Variants in RNFT2 observed in about 807,000 individuals in gnomAD.
RNFT2 encodes the protein ring finger protein, transmembrane 2.
In RNFT2, 36 loss-of-function variants were observed where a neutral mutation model predicts 53.0. That is an observed-to-expected ratio of 0.68 (90% CI 0.52 to 0.90). The LOEUF (loss-of-function observed/expected upper bound fraction) is 0.90. RNFT2 is among the 40% of genes least tolerant of loss of function. The probability of loss-of-function intolerance (pLI) is 0.00; values close to 1 mark genes in which losing one functional copy is unlikely to be tolerated. For missense variants in RNFT2, 514 were observed against 585.6 expected, an observed-to-expected ratio of 0.88 and a Z score of 1.26; for synonymous variants, 260 against 253.2, an observed-to-expected ratio of 1.03 and a Z score of -0.26.
At chr12:116,779,414 C>T (rs867612702) in intron 7 of RNFT2, 66 bp downstream of exon 7, 1 of 1,563,326 alleles carries the variant, frequency 6.4e-7, no homozygotes, top group Non-Finnish European at 8.8e-7. Flanking sequence ...TTCAGGGTGC[C>T]TTCTGAGGAG....
intron 6 of RNFT2, among the ~76,000 whole-genome samples, chr12:116,775,691 G>C (rs1056576625): frequency 6.6e-6 from 1 of 152,168 alleles, no homozygotes; most frequent in South Asian, 2.1e-4. Flanking sequence ...TTAAAGTACT[G>C]GGTAAACAAT....
At chr12:116,768,738 T>G (rs535262061) in intron 6 of RNFT2, among the ~76,000 whole-genome samples, 2 of 132,654 alleles carry the variant, frequency 1.5e-5, no homozygotes, top group Non-Finnish European at 3.1e-5. Context: ...TTCTCTCTCT[T>G]TTTTTTTTTT....
intron 7 of RNFT2, among the ~76,000 whole-genome samples, chr12:116,819,307 G>T (rs944190692): frequency 1.3e-5 from 2 of 152,214 alleles, no homozygotes; most frequent in Non-Finnish European, 1.5e-5. Context: ...TCCTTTGTCC[G>T]CGAAGGGCTA....
intron 7 of RNFT2, among the ~76,000 whole-genome samples, chr12:116,781,928 A>C (rs532973059): frequency 6.6e-6 from 1 of 151,640 alleles, no homozygotes; most frequent in Non-Finnish European, 1.5e-5. Context: ...AATACAAAAA[A>C]ATTAGCTGGG....
chr12:116,852,939 C>T lies in RNFT2; in HGVS notation c.*3491C>T. 3.4e-6 allele frequency: 2 copies of T among 592,294 alleles called. No homozygotes were observed. Among genetic ancestry groups the T allele is most frequent in the Non-Finnish European group, 3.0e-6 (1 of 335,078 alleles). 36.7% of individuals were successfully genotyped at this position (592,294 alleles called of 1,614,324 possible). A position where few individuals can be genotyped will look rare whatever the true frequency, so the allele number is the denominator to read the frequency against. ...AACAATAAAACAAAATTCTCTAACACTGCAAAGAGTGAGCCATGCCTGTTA... is the reference window on the plus strand; with the variant it reads ...AACAATAAAACAAAATTCTCTAACATTGCAAAGAGTGAGCCATGCCTGTTA... On this transcript the variant is annotated 3_prime_UTR_variant, in exon 11 of 11. Coordinates refer to ENST00000257575, the MANE Select transcript of RNFT2 (RefSeq NM_001382266.1).
chr12:116,819,331 C>T (rs1875861281), intron 7 of RNFT2, among the ~76,000 whole-genome samples: 2 of 152,186 alleles, frequency 1.3e-5, no homozygotes, highest in South Asian at 2.1e-4. Flanking sequence ...GCCTCAGGCT[C>T]GGGGGCCTGG....
At chr12:116,741,899 C>T (rs375696049) in intron 3 of RNFT2, among the ~76,000 whole-genome samples, 2 of 151,996 alleles carry the variant, frequency 1.3e-5, no homozygotes, top group Non-Finnish European at 2.9e-5. Flanking sequence ...GATCTTCCTA[C>T]CTTGATCTCT....
intron 7 of RNFT2, among the ~76,000 whole-genome samples, chr12:116,830,461 A>C (rs1876582360): frequency 1.3e-5 from 2 of 151,788 alleles, no homozygotes; most frequent in Non-Finnish European, 2.9e-5. Flanking sequence ...ATAATCTTTT[A>C]ATTTTTTGTA....
rs140773304 is a variant in RNFT2, at chr12:116,757,838, C to T, written c.627+3778C>T. On this transcript the variant is annotated intron_variant, in intron 5 of 10. Transcript: ENST00000257575. The stretch of plus-strand genomic sequence containing the variant: ...ATGTTCTGTATGTATCTGTTAAATC[C>T]ATTTGTTCCAAGGTATAGTTTAAAT... 5.9e-3 allele frequency among the ~76,000 whole-genome samples: 904 copies of T among 152,158 alleles called. 15 individuals are homozygous for T. The highest frequency in any genetic ancestry group is 0.021 in the African/African-American group (860 of 41,488).
At chr12:116,764,756 G>A (rs901976047) in intron 5 of RNFT2, among the ~76,000 whole-genome samples, 11 of 152,172 alleles carry the variant, frequency 7.2e-5, no homozygotes, top group African/African-American at 2.4e-4. Context: ...GCTGGGCATG[G>A]TGGTGGGCGC....
intron 7 of RNFT2, among the ~76,000 whole-genome samples, chr12:116,785,293 G>GTGTGTTTTGT (rs1873889841): frequency 6.8e-6 from 1 of 146,256 alleles, no homozygotes; most frequent in African/African-American, 2.6e-5. Flanking sequence ...GGGGTTGTTT[G>GTGTGTTTTGT]TTTGTTTTGT....
chr12:116,760,627 T>C (rs1872659217), intron 5 of RNFT2, among the ~76,000 whole-genome samples: 1 of 152,110 alleles, frequency 6.6e-6, no homozygotes. Flanking sequence ...TGAGGGTGAG[T>C]GTTCGGGAGA....
intron 7 of RNFT2, among the ~76,000 whole-genome samples, chr12:116,827,883 G>A (rs1417649811): frequency 1.3e-5 from 2 of 152,212 alleles, no homozygotes; most frequent in African/African-American, 4.8e-5. Context: ...ACCTAAGGTG[G>A]CAAGTGACAA....
chr12:116,830,056 T>G (rs1406172541), intron 7 of RNFT2, among the ~76,000 whole-genome samples: 2 of 152,220 alleles, frequency 1.3e-5, no homozygotes, highest in East Asian at 3.8e-4. Context: ...GATGATTTCT[T>G]TTTTAACTTT....
chr12:116,777,876 G>A (rs895881120), intron 6 of RNFT2, among the ~76,000 whole-genome samples: 7 of 152,064 alleles, frequency 4.6e-5, no homozygotes, highest in South Asian at 2.1e-4. Context: ...CGATACCAAC[G>A]CCTTTATGCT....
At chr12:116,844,317 A>G (rs1592993607) in intron 10 of RNFT2, among the ~76,000 whole-genome samples, 1 of 151,602 alleles carries the variant, frequency 6.6e-6, no homozygotes. Flanking sequence ...TGCAACCTCC[A>G]CCTCCCAGGT....
chr12:116,823,687 AAATAAT>A (rs924513176), intron 7 of RNFT2, among the ~76,000 whole-genome samples: 3 of 152,190 alleles, frequency 2.0e-5, no homozygotes, highest in Non-Finnish European at 4.4e-5. Context: ...TGTCTAAAAA[AAATAAT>A]AATAATAATT....
chr12:116,842,250 A>C (rs1462093566), intron 10 of RNFT2, among the ~76,000 whole-genome samples: 2 of 151,882 alleles, frequency 1.3e-5, no homozygotes, highest in African/African-American at 4.8e-5. Flanking sequence ...CAGAAGGGAC[A>C]CCCCATCACC....
In RNFT2 at chr12:116,851,794, G is replaced by A. The variant is rs960501151; in HGVS notation, c.*2346G>A. 2.2e-6 allele frequency: 2 copies of A among 895,202 alleles called. No homozygotes were observed. The highest frequency in any genetic ancestry group is 3.6e-6 in the Non-Finnish European group (2 of 562,048). The allele number at this position is 895,202 out of a possible 1,614,324, so 55.5% of individuals were successfully genotyped here. ...AGGGAGGGAGGAAGGAAGGAAGGAA[G>A]GAAAGAAAGAAAGGTCAGCTTTGGC... On this transcript the variant is annotated 3_prime_UTR_variant, in exon 11 of 11. Transcript: ENST00000257575.
Sources: gnomAD v4.1 joint callset for allele counts (sites outside exome capture counted in the v4.1 genomes callset) on GRCh38, gnomAD v4.1.1 for gene constraint, MANE v1.5 for transcripts, NCBI Gene and HGNC (gene_info 2026-07-23, HGNC 2026-07-21) for gene names.